POLG2: variants seen among roughly 807,000 people sequenced by gnomAD.
POLG2 encodes DNA polymerase gamma 2, accessory subunit, also known as DNA polymerase subunit gamma-2.
POLG2 carries 50 observed loss-of-function variants against 56.5 expected under a neutral mutation model. That is an observed-to-expected ratio of 0.88 (90% CI 0.71 to 1.12). POLG2 has a LOEUF of 1.12. Ranked by LOEUF, POLG2 falls within the 50% of genes most tolerant of loss-of-function variation. The probability of loss-of-function intolerance (pLI) is 0.00; values close to 1 mark genes in which losing one functional copy is unlikely to be tolerated. For synonymous variants in POLG2, 226 were observed against 222.6 expected (o/e 1.02, Z -0.14); for missense variants, 584 against 583.3 (o/e 1.00, Z -0.01).
intron 4 of POLG2, among the ~76,000 whole-genome samples, chr17:64,488,721 C>G (rs953698370): frequency 7.2e-5 from 11 of 152,092 alleles, no homozygotes; most frequent in South Asian, 2.1e-4. Context: ...AAATGTTCAC[C>G]AGTTAATAAG....
chr17:64,481,346 C>T, intron 6 of POLG2: 1 of 985,314 alleles, frequency 1.0e-6, no homozygotes, highest in Non-Finnish European at 1.2e-6. Flanking sequence ...GGTCAGAAAG[C>T]TGGGGGACTC....
Position 64,497,032 on chromosome 17 carries a change from C to A in POLG2, c.-64G>T. The stretch of plus-strand genomic sequence containing the variant: ...AACGGATCCCAACAAGCCACCACTA[C>A]CGTTAACAGAATCCGGAGAGGCCAC... On this transcript the variant is annotated 5_prime_UTR_variant, in exon 1 of 8. Coordinates refer to ENST00000539111, the MANE Select transcript of POLG2 (RefSeq NM_007215.4). 6.7e-7 allele frequency: 1 copy of A among 1,494,794 alleles called. No homozygotes were observed. The highest frequency in any genetic ancestry group is 9.2e-7 in the Non-Finnish European group (1 of 1,085,016). 92.6% of individuals were successfully genotyped at this position (1,494,794 alleles called of 1,614,324 possible). A position where few individuals can be genotyped will look rare whatever the true frequency, so the allele number is the denominator to read the frequency against.
intron 6 of POLG2, among the ~76,000 whole-genome samples, chr17:64,480,770 G>C (rs926631233): frequency 6.6e-6 from 1 of 152,126 alleles, no homozygotes; most frequent in East Asian, 1.9e-4. Context: ...GGTGAGACCT[G>C]AGCCCTAGGT....
intron 7 of POLG2, among the ~76,000 whole-genome samples, chr17:64,478,738 C>T (rs1193354806): frequency 6.6e-6 from 1 of 151,792 alleles, no homozygotes; most frequent in Non-Finnish European, 1.5e-5. Flanking sequence ...TCTACCAAAA[C>T]TACAAAAAAT....
At chr17:64,484,050 T>G (rs543712374) in intron 5 of POLG2, 1 of 152,314 alleles carries the variant, frequency 6.6e-6, no homozygotes, top group Admixed American at 6.5e-5. Flanking sequence ...CAACAAACAT[T>G]TTAATGCCTC....
intron 4 of POLG2, among the ~76,000 whole-genome samples, chr17:64,490,174 C>T (rs781919485): frequency 1.3e-5 from 2 of 152,136 alleles, no homozygotes; most frequent in African/African-American, 2.4e-5. Context: ...CCTCCCACTT[C>T]GGCCTCACAA....
At chr17:64,481,246 C>T in intron 6 of POLG2, 1 of 984,146 alleles carries the variant, frequency 1.0e-6, no homozygotes, top group Non-Finnish European at 1.2e-6. Flanking sequence ...GCTGCCATAC[C>T]CTGGGAGAAA....
At chr17:64,496,083 G>A (rs2038145992) in intron 1 of POLG2, among the ~76,000 whole-genome samples, 1 of 152,206 alleles carries the variant, frequency 6.6e-6, no homozygotes, top group Non-Finnish European at 1.5e-5. Context: ...ATAAATCTAA[G>A]AAAAGTTCAA....
At chr17:64,492,621 A>G (rs782735721) in intron 3 of POLG2, 46 bp downstream of exon 3, 1 of 1,106,942 alleles carries the variant, frequency 9.0e-7, no homozygotes, top group East Asian at 2.4e-5. Context: ...ACACATTAAG[A>G]CAATTTATGT....
At position 64,492,922 on chromosome 17, in the gene POLG2, G is replaced by C. The variant is rs1555668834; in HGVS notation, c.662C>G (p.Thr221Ser). 2 of 1,614,024 alleles carry C rather than the reference G, an allele frequency of 1.2e-6. No individual in the cohort carries two copies. Among genetic ancestry groups the C allele is most frequent in the East Asian group, 4.5e-5 (2 of 44,878 alleles). ...IGVCFHPVFD[T>S]KQIRNGVKSI... ...TTTAACACCATTTCGTATCTGCTTA[G>C]TGTCAAAAACAGGATGAAAACACAC... The change falls in exon 2 of 8, where the codon ACT becomes AGT. Residue 221 changes from threonine to serine, a missense_variant. By Grantham distance (58) the Thr-to-Ser change is moderately conservative. Coordinates refer to ENST00000539111, the MANE Select transcript of POLG2 (RefSeq NM_007215.4).
Position 64,496,851 on chromosome 17 carries a change from TG to T in POLG2, c.117del (p.Gly41GlufsTer4). 6.2e-7 allele frequency: 1 copy of T among 1,613,806 alleles called. No individual in the cohort carries two copies. Among genetic ancestry groups the T allele is most frequent in the Non-Finnish European group, 8.5e-7 (1 of 1,180,010 alleles). On this transcript the variant is annotated frameshift_variant, in exon 1 of 8. Transcript: ENST00000539111. LOFTEE classifies it high-confidence loss of function. ...QPELLTERSS[P>X]KGGHVKSHAE... ...GCGTGCGACTTCACATGCCCTCCTT[TG>T]GGGCTACTCCTTTCCGTCAACAGCT...
At chr17:64,481,711 A>C (rs538188950) in intron 6 of POLG2, among the ~76,000 whole-genome samples, 2 of 151,966 alleles carry the variant, frequency 1.3e-5, no homozygotes, top group Admixed American at 1.3e-4. Context: ...TGTCTCTACT[A>C]AAAATACTAA....
rs782482122 is a variant in POLG2 at position 64,492,731 on chromosome 17, G to A, written c.731C>T (p.Pro244Leu). 6.2e-7 allele frequency: 1 copy of A among 1,613,286 alleles called. No individual in the cohort carries two copies. Among genetic ancestry groups the A allele is most frequent in the Non-Finnish European group, 8.5e-7 (1 of 1,179,562 alleles). Reference sequence around the variant, plus strand: ...AAGCCACTGGTTTGAAGTTCTCGGAGGAGTAAACCATACTAACGAAGCTTC... The same window carrying A: ...AAGCCACTGGTTTGAAGTTCTCGGAAGAGTAAACCATACTAACGAAGCTTC... Reference protein sequence around the residue: ...KTEASLVWFTPPRTSNQWLDF... With the variant: ...KTEASLVWFTLPRTSNQWLDF... The change falls in exon 3 of 8, where the codon CCT becomes CTT. Residue 244 changes from proline to leucine, a missense_variant. Coordinates refer to ENST00000539111, the MANE Select transcript of POLG2 (RefSeq NM_007215.4).
intron 3 of POLG2, 91 bp downstream of exon 3, chr17:64,492,576 A>C (rs1017362302): frequency 2.4e-5 from 18 of 745,538 alleles, no homozygotes; most frequent in Middle Eastern, 3.5e-4. Flanking sequence ...CATACATCAA[A>C]TATAATTTCT....
In POLG2 at chr17:64,496,669, T is replaced by C. The variant is rs782298643; in HGVS notation, c.300A>G (p.Gly100=). ...SLLSGCHPGF[G]PLGVELRKNL... ...TCTTCCGCAACTCTACGCCCAAGGG[T>C]CCGAAGCCGGGGTGGCACCCACTCA... The change falls in exon 1 of 8, where the codon GGA becomes GGG. Residue 100 remains glycine (G), a synonymous_variant. Coordinates refer to ENST00000539111, the MANE Select transcript of POLG2 (RefSeq NM_007215.4). 3.1e-6 allele frequency: 5 copies of C among 1,613,500 alleles called. No individual in the cohort carries two copies. The South Asian group carries it at 5.5e-5, about 18-fold the overall frequency.
At position 64,494,343 on chromosome 17, in the gene POLG2, CACT is replaced by C. The variant is rs537001293; in HGVS notation, c.563-1325_563-1323del. On this transcript the variant is annotated intron_variant, in intron 1 of 7. Transcript: ENST00000539111. ...TGAGGAACATGTTATCAAATTATTC[CACT>C]ACTGAAGACACCAAATTTGATTACT... Among the ~76,000 whole-genome samples the C allele has an allele frequency of 3.9e-3, 601 of 152,228 alleles. 2 individuals carry two copies. Among genetic ancestry groups the C allele is most frequent in the Middle Eastern group, 6.8e-3 (2 of 294 alleles).
intron 1 of POLG2, 123 bp from the exon 2 acceptor site, chr17:64,493,144 TTGG>T: frequency 9.0e-7 from 1 of 1,106,900 alleles, no homozygotes; most frequent in Non-Finnish European, 1.4e-6. Context: ...TTGGCTAAGC[TTGG>T]TGGCTCACGC....
At position 64,490,857 on chromosome 17, in the gene POLG2, A is replaced by G; in HGVS notation, c.908T>C (p.Leu303Pro). 1 of 1,613,708 alleles carries G rather than the reference A, an allele frequency of 6.2e-7. No homozygotes were observed. Among genetic ancestry groups the G allele is most frequent in the Non-Finnish European group, 8.5e-7 (1 of 1,179,590 alleles). The change falls in exon 4 of 8, where the codon CTG (leucine) becomes CCG (proline). Residue 303 changes from leucine to proline, a missense_variant. Transcript: ENST00000539111. ...FPWGKELIET[L>P]WNLGDHELLH... ...AAGTTCGTGATCTCCTAGGTTCCACAGGGTTTCTATTAACTCCTTTCCCCA... is the reference window on the plus strand; with the variant it reads ...AAGTTCGTGATCTCCTAGGTTCCACGGGGTTTCTATTAACTCCTTTCCCCA...
chr17:64,487,084 A>C (rs542985805), intron 4 of POLG2: 1 of 148,780 alleles, frequency 6.7e-6, no homozygotes, highest in East Asian at 2.0e-4. Context: ...GTCACAGAAC[A>C]AAAAAAAAAG....
Sources: gnomAD v4.1 joint callset for allele counts (sites outside exome capture counted in the v4.1 genomes callset) on GRCh38, gnomAD v4.1.1 for gene constraint, MANE v1.5 for transcripts, NCBI Gene and HGNC (gene_info 2026-07-23, HGNC 2026-07-21) for gene names.